The following DOCK10 variants were observed in gnomAD, a reference collection of about 807,000 sequenced individuals.
DOCK10 encodes the protein dedicator of cytokinesis protein 10.
In DOCK10, 145 loss-of-function variants were observed where a neutral mutation model predicts 280.1. The observed-to-expected ratio is 0.52, with a 90% confidence interval of 0.45 to 0.59. The LOEUF is 0.59. Among genes scored for constraint, DOCK10 ranks in the 20% least tolerant of loss-of-function variants. The pLI is 0.00. For synonymous variants in DOCK10, 915 were observed against 942.2 expected (o/e 0.97, Z 0.53); for missense variants, 2,368 against 2,651.7 (o/e 0.89, Z 2.35).
rs750595919 is a variant in DOCK10, at chr2:224,773,162, C to G, written c.6199G>C (p.Val2067Leu). The G allele has an allele frequency of 1.2e-6, 2 of 1,610,538 alleles. No homozygotes were observed. The highest frequency in any genetic ancestry group is 2.2e-5 in the South Asian group (2 of 90,762). Residue 2067 changes from valine (V) to leucine (L), a missense_variant, in exon 53 of 56, where the codon GTG (valine) becomes CTG (leucine). By Grantham distance (32) the Val-to-Leu change is conservative. Coordinates refer to ENST00000258390, the MANE Select transcript of DOCK10 (RefSeq NM_014689.3). ...CCTGGGCAATGCTTACTCACCTTCA[C>G]GCTGACACTTCCTTGCAGTTTGAGC... The part of the protein sequence containing the change: ...LQLKLQGSVS[V>L]KVNAGPMAYA...
At chr2:225,041,364 C>T (rs1394738222) in intron 1 of DOCK10, among the ~76,000 whole-genome samples, 5 of 152,178 alleles carry the variant, frequency 3.3e-5, no homozygotes, top group African/African-American at 4.8e-5. Flanking sequence ...CTGTTGTTCC[C>T]ACTCGCTTCC....
intron 1 of DOCK10, among the ~76,000 whole-genome samples, chr2:225,020,343 C>T (rs1048714988): frequency 6.6e-6 from 1 of 152,118 alleles, no homozygotes; most frequent in Non-Finnish European, 1.5e-5. Flanking sequence ...AGATGAGTCA[C>T]AGCAAAGACT....
At chr2:224,889,897 G>A (rs73079871) in intron 4 of DOCK10, among the ~76,000 whole-genome samples, 2,225 of 152,314 alleles carry the variant, frequency 0.015, 51 homozygotes, top group African/African-American at 0.05. Flanking sequence ...AGATTCAGAG[G>A]AAGGTTCCAA....
In DOCK10 at chr2:224,839,881, G is replaced by C. The variant is rs764675945; in HGVS notation, c.2780+73C>G. 2.4e-4 allele frequency: 154 copies of C among 631,460 alleles called. No homozygotes were observed. The East Asian group carries it at 2.8e-3, about 12-fold the overall frequency. The allele number at this position is 631,460 out of a possible 1,614,324, so 39.1% of individuals were successfully genotyped here. A position where few individuals can be genotyped will look rare whatever the true frequency, so the allele number is the denominator to read the frequency against. On this transcript the variant is annotated intron_variant, in intron 24 of 55. Coordinates refer to ENST00000258390, the MANE Select transcript of DOCK10 (RefSeq NM_014689.3). ...TGTAAACACACAACAGTAGATGACT[G>C]TTTAGTTATAATTAAGAGTTTATGT...
intron 2 of DOCK10, among the ~76,000 whole-genome samples, chr2:224,929,442 G>A (rs753214447): frequency 6.6e-6 from 1 of 152,110 alleles, no homozygotes; most frequent in Non-Finnish European, 1.5e-5. Flanking sequence ...ACCCCAGTTG[G>A]GAATGAGGGT....
At chr2:224,792,929 T>G in intron 47 of DOCK10, 45 bp downstream of exon 47, 2 of 1,398,798 alleles carry the variant, frequency 1.4e-6, no homozygotes, top group Non-Finnish European at 2.0e-6. Context: ...GAGCAGCAAG[T>G]GGATTTCCTC....
chr2:224,858,114 CAT>C (rs767435959), intron 14 of DOCK10, among the ~76,000 whole-genome samples: 3 of 152,170 alleles, frequency 2.0e-5, no homozygotes, highest in Non-Finnish European at 4.4e-5. Context: ...CAGTGCATCA[CAT>C]GTTGAAACTA....
At chr2:224,784,451 T>C (rs1691590938) in intron 50 of DOCK10, among the ~76,000 whole-genome samples, 1 of 152,246 alleles carries the variant, frequency 6.6e-6, no homozygotes, top group Non-Finnish European at 1.5e-5. Context: ...TACTTATCTC[T>C]GTGTGTGTTT....
chr2:224,935,250 T>G (rs1283445209), intron 1 of DOCK10, among the ~76,000 whole-genome samples: 4 of 152,244 alleles, frequency 2.6e-5, no homozygotes, highest in Non-Finnish European at 5.9e-5. Flanking sequence ...TACAAATATC[T>G]GAATTATTTT....
At chr2:224,794,821 A>C (rs1692443357) in intron 45 of DOCK10, 58 bp downstream of exon 45, 8 of 1,567,696 alleles carry the variant, frequency 5.1e-6, no homozygotes, top group Non-Finnish European at 7.0e-6. Context: ...ATGAAAATCC[A>C]ATTTTCCTGA....
chr2:224,816,220 T>C (rs1236443481), intron 30 of DOCK10, among the ~76,000 whole-genome samples: 2 of 148,600 alleles, frequency 1.3e-5, no homozygotes, highest in Non-Finnish European at 3.0e-5. Context: ...TATATTTATA[T>C]ATATAATATT....
At chr2:224,942,745 T>C (rs996152882) in intron 1 of DOCK10, among the ~76,000 whole-genome samples, 2 of 152,222 alleles carry the variant, frequency 1.3e-5, no homozygotes, top group Admixed American at 1.3e-4. Context: ...TACTTATAGT[T>C]TTCATTTTTA....
chr2:225,036,995 C>G (rs1690279388), intron 1 of DOCK10, among the ~76,000 whole-genome samples: 1 of 151,710 alleles, frequency 6.6e-6, no homozygotes. Flanking sequence ...TACTTAGGAT[C>G]CCTCCTTCAA....
chr2:224,813,722 A>G (rs1278283891), intron 31 of DOCK10, among the ~76,000 whole-genome samples: 1 of 152,244 alleles, frequency 6.6e-6, no homozygotes, highest in Non-Finnish European at 1.5e-5. Flanking sequence ...TAGTCCATAA[A>G]GAAGCTACTG....
At chr2:224,832,183 T>C (rs1695282769) in intron 26 of DOCK10, among the ~76,000 whole-genome samples, 1 of 152,260 alleles carries the variant, frequency 6.6e-6, no homozygotes, top group African/African-American at 2.4e-5. Flanking sequence ...TTTGCTTTAC[T>C]TCACAATTTT....
chr2:224,794,828 CTG>C, intron 45 of DOCK10, 49 bp downstream of exon 45: 1 of 1,580,018 alleles, frequency 6.3e-7, no homozygotes, highest in East Asian at 2.2e-5. Context: ...TCCAATTTTC[CTG>C]ATAAAGAGGA....
At chr2:224,782,772 C>T (rs1691444185) in intron 50 of DOCK10, among the ~76,000 whole-genome samples, 1 of 152,152 alleles carries the variant, frequency 6.6e-6, no homozygotes, top group African/African-American at 2.4e-5. Flanking sequence ...GGCCTTTGTG[C>T]AGGCAAAGAG....
intron 13 of DOCK10, 122 bp from the exon 14 acceptor site, chr2:224,862,868 T>C: frequency 1.7e-6 from 1 of 575,772 alleles, no homozygotes; most frequent in African/African-American, 1.9e-5. Flanking sequence ...TGTGTCTTAC[T>C]AGCCCCTATT....
At chr2:224,768,017 G>C (rs780022777) in intron 55 of DOCK10, among the ~76,000 whole-genome samples, 1 of 151,696 alleles carries the variant, frequency 6.6e-6, no homozygotes, top group African/African-American at 2.4e-5. Flanking sequence ...GAGTTCAAGC[G>C]ATTCTCCTGC....
Sources: allele counts gnomAD v4.1 joint callset (sites outside exome capture counted in the v4.1 genomes callset), GRCh38; gene constraint gnomAD v4.1.1; transcripts MANE v1.5; gene names NCBI Gene and HGNC (gene_info 2026-07-23, HGNC 2026-07-21).